SCN8A: variants seen among roughly 807,000 people sequenced by gnomAD.
The protein encoded by SCN8A is sodium channel protein type 8 subunit alpha.
In SCN8A, 30 loss-of-function variants were observed where a neutral mutation model predicts 184.1. The ratio of observed to expected loss-of-function variants is 0.16; its 90% CI spans 0.12 to 0.22. The LOEUF is 0.22. Ranked by LOEUF, SCN8A falls within the 10% of genes least tolerant of loss-of-function variation. The probability of loss-of-function intolerance (pLI) is 1.00; values close to 1 mark genes in which losing one functional copy is unlikely to be tolerated. For synonymous variants in SCN8A, 852 were observed against 907.0 expected, an observed-to-expected ratio of 0.94 and a Z score of 1.09; for missense variants, 1,057 against 2,498.9, an observed-to-expected ratio of 0.42 and a Z score of 12.30.
At chr12:51,707,251 A>AT (rs1369782469) in intron 11 of SCN8A, among the ~76,000 whole-genome samples, 4 of 152,010 alleles carry the variant, frequency 2.6e-5, no homozygotes, top group Non-Finnish European at 5.9e-5. Flanking sequence ...TTGCTGGTGT[A>AT]TTATTCAGGG....
chr12:51,661,009 C>T (rs1243892438), intron 1 of SCN8A, among the ~76,000 whole-genome samples: 1 of 152,126 alleles, frequency 6.6e-6, no homozygotes, highest in Non-Finnish European at 1.5e-5. Context: ...ATGTGATTTA[C>T]TTACTAAACA....
chr12:51,687,121 A>G lies in SCN8A; in HGVS notation c.516A>G (p.Glu172=). The change falls in exon 5 of 27, where the codon GAA becomes GAG. Residue 172 remains glutamate (E), a synonymous_variant. Coordinates refer to ENST00000627620, the MANE Select transcript of SCN8A (RefSeq NM_001330260.2). ...EYTFTGIYTF[E]SLVKIIARGF... ...CGTTCACAGGGATTTATACATTTGA[A>G]TCACTAGTGAAAATCATTGCAAGAG... 1 of 1,613,518 alleles carries G rather than the reference A, an allele frequency of 6.2e-7. No individual in the cohort carries two copies. The highest frequency in any genetic ancestry group is 8.5e-7 in the Non-Finnish European group (1 of 1,179,556).
chr12:51,623,543 A>G (rs1592335441), intron 1 of SCN8A, among the ~76,000 whole-genome samples: 4 of 152,182 alleles, frequency 2.6e-5, no homozygotes, highest in African/African-American at 9.6e-5. Context: ...ACGATTTACC[A>G]ATTAGAGTTC....
chr12:51,752,651 T>A (rs1942613947), intron 14 of SCN8A, among the ~76,000 whole-genome samples: 1 of 152,160 alleles, frequency 6.6e-6, no homozygotes, highest in South Asian at 2.1e-4. Flanking sequence ...TGTAAACCCT[T>A]GTGTGCAGTC....
intron 26 of SCN8A, among the ~76,000 whole-genome samples, chr12:51,795,934 T>G (rs1235036716): frequency 6.6e-6 from 1 of 150,830 alleles, no homozygotes; most frequent in Non-Finnish European, 1.5e-5. Context: ...GTAGTCCCAG[T>G]TACTTGGGAG....
chr12:51,645,776 C>T (rs922940238), intron 1 of SCN8A, among the ~76,000 whole-genome samples: 4 of 147,592 alleles, frequency 2.7e-5, no homozygotes, highest in African/African-American at 9.9e-5. Context: ...AGAGTCATCA[C>T]CACTCCCTAA....
At chr12:51,735,742 C>G (rs954900707) in intron 12 of SCN8A, among the ~76,000 whole-genome samples, 4 of 152,044 alleles carry the variant, frequency 2.6e-5, no homozygotes, top group Non-Finnish European at 5.9e-5. Context: ...TGGCTGCAAC[C>G]GGGGGGTCCT....
chr12:51,594,077 A>G (rs1948431), intron 1 of SCN8A, among the ~76,000 whole-genome samples: 117,741 of 152,048 alleles, frequency 0.77, 46,223 homozygotes, highest in East Asian at 0.86. Flanking sequence ...AAGTCGATTT[A>G]TCCAAAAAAC....
intron 1 of SCN8A, among the ~76,000 whole-genome samples, chr12:51,607,112 G>A (rs957338562): frequency 1.3e-5 from 2 of 152,096 alleles, no homozygotes; most frequent in East Asian, 1.9e-4. Context: ...GGCCAGGCTG[G>A]TCTTGAACTC....
In SCN8A at chr12:51,640,274, TTAA is replaced by T. The variant is rs557054136; in HGVS notation, c.-54-22487_-54-22485del. ...TTTTTAAGACAGTGCTTTCCTACAC[TTAA>T]TAGACTACAGCATAGCATAAACATA... On this transcript the variant is annotated intron_variant, in intron 1 of 26. Coordinates refer to ENST00000627620, the MANE Select transcript of SCN8A (RefSeq NM_001330260.2). Among the ~76,000 whole-genome samples, 4 of 128,712 alleles carry T rather than the reference TTAA, an allele frequency of 3.1e-5. No homozygotes were observed. The East Asian group carries it at 1.1e-3, about 34-fold the overall frequency. The allele number at this position is 128,712 out of a possible 152,430, so 84.4% of individuals were successfully genotyped here.
At chr12:51,634,709 C>T (rs908065857) in intron 1 of SCN8A, among the ~76,000 whole-genome samples, 4 of 145,612 alleles carry the variant, frequency 2.7e-5, no homozygotes, top group African/African-American at 7.7e-5. Context: ...AGTGCAGTGG[C>T]GCAATCGTAG....
chr12:51,624,119 A>G (rs574709918), intron 1 of SCN8A, among the ~76,000 whole-genome samples: 237 of 152,326 alleles, frequency 1.6e-3, no homozygotes, highest in African/African-American at 5.4e-3. Flanking sequence ...TCCTTTGGGT[A>G]TATACCCAGT....
rs1938834302 is a variant in SCN8A, at chr12:51,809,855, T to C, written c.*2426T>C. 1 of 152,238 alleles carries C rather than the reference T, an allele frequency of 6.6e-6. No individual in the cohort carries two copies. The highest frequency in any genetic ancestry group is 1.5e-5 in the Non-Finnish European group (1 of 68,042). The allele number at this position is 152,238 out of a possible 1,614,324, so 9.4% of individuals were successfully genotyped here. A position where few individuals can be genotyped will look rare whatever the true frequency, so the allele number is the denominator to read the frequency against. ...TTAGAACTTAGATGCTGTCAGCCAA[T>C]GTACATCCCCAAACCAGACAGACAG... On this transcript the variant is annotated 3_prime_UTR_variant, in exon 27 of 27. Coordinates refer to ENST00000627620, the MANE Select transcript of SCN8A (RefSeq NM_001330260.2).
rs2138748310 is a variant in SCN8A, at chr12:51,705,527, A to G, written c.1245A>G (p.Glu415=). ...TGGCTGTGGTGGCCATGGCTTATGA[A>G]GAACAGAATCAGGCAACACTGGAGG... ...LILAVVAMAY[E]EQNQATLEEA... The change falls in exon 10 of 27, where the codon GAA becomes GAG. Residue 415 remains glutamate, a synonymous_variant. Transcript: ENST00000627620. The G allele has an allele frequency of 6.2e-7, 1 of 1,614,090 alleles. No individual in the cohort carries two copies. Among genetic ancestry groups the G allele is most frequent in the Non-Finnish European group, 8.5e-7 (1 of 1,179,944 alleles).
At chr12:51,639,392 G>A (rs114452962) in intron 1 of SCN8A, among the ~76,000 whole-genome samples, 381 of 152,000 alleles carry the variant, frequency 2.5e-3, no homozygotes, top group Non-Finnish European at 4.0e-3. Context: ...GGTTTGAGAG[G>A]ACTGACTCCA....
intron 1 of SCN8A, among the ~76,000 whole-genome samples, chr12:51,603,040 T>G (rs1197435250): frequency 6.6e-6 from 1 of 152,218 alleles, no homozygotes; most frequent in African/African-American, 2.4e-5. Context: ...TTACAAACAG[T>G]AAAATTGAAA....
intron 1 of SCN8A, among the ~76,000 whole-genome samples, chr12:51,599,039 C>T (rs1307736316): frequency 6.6e-6 from 1 of 152,140 alleles, no homozygotes; most frequent in African/African-American, 2.4e-5. Context: ...TTAGGGTTTT[C>T]CTTATAGAAT....
At chr12:51,783,164 T>G (rs1035836563) in intron 21 of SCN8A, among the ~76,000 whole-genome samples, 32 of 152,216 alleles carry the variant, frequency 2.1e-4, no homozygotes, top group African/African-American at 7.7e-4. Context: ...GATCCATTCC[T>G]GCCCTGTGGG....
At chr12:51,740,939 C>G (rs1942412581) in intron 12 of SCN8A, among the ~76,000 whole-genome samples, 1 of 152,138 alleles carries the variant, frequency 6.6e-6, no homozygotes, top group African/African-American at 2.4e-5. Context: ...CATGCACCAC[C>G]ATGCCTGGCT....
Sources: allele counts gnomAD v4.1 joint callset (sites outside exome capture counted in the v4.1 genomes callset), GRCh38; gene constraint gnomAD v4.1.1; transcripts MANE v1.5; gene names NCBI Gene and HGNC (gene_info 2026-07-23, HGNC 2026-07-21).